The following KLHL38 variants were observed in gnomAD, a reference collection of about 807,000 sequenced individuals.
KLHL38 encodes kelch-like protein 38.
Under a neutral mutation model 39.6 loss-of-function variants are expected in KLHL38, and 38 were observed. The observed-to-expected ratio is 0.96, with a 90% CI of 0.74 to 1.26. The LOEUF (loss-of-function observed/expected upper bound fraction) is 1.26. Among genes scored for constraint, KLHL38 ranks in the 50% most tolerant of loss-of-function variants. KLHL38 has a pLI of 0.00. For missense variants in KLHL38, 803 were observed against 748.1 expected (o/e 1.07, Z -0.86); for synonymous variants, 322 against 302.2 (o/e 1.07, Z -0.68).
intron 2 of KLHL38, among the ~76,000 whole-genome samples, chr8:123,651,287 G>T (rs1003568810): frequency 3.9e-5 from 6 of 152,004 alleles, no homozygotes; most frequent in Non-Finnish European, 8.8e-5. Context: ...ATGTGTGTAT[G>T]CATGCATGAA....
chr8:123,644,494 A>T lies in KLHL38; in HGVS notation c.*1245T>A, dbSNP rs1349059691. On this transcript the variant is annotated 3_prime_UTR_variant, in exon 4 of 4. Coordinates refer to ENST00000684634, the MANE Select transcript of KLHL38 (RefSeq NM_001081675.3). ...GGCAATGCAGGATAATTTTACAAAC[A>T]TTAGATACTGAATTGTGCATATATC... 6.6e-6 allele frequency among the ~76,000 whole-genome samples: 1 copy of T among 152,218 alleles called. No homozygotes were observed. The highest frequency in any genetic ancestry group is 2.4e-5 in the African/African-American group (1 of 41,454).
At chr8:123,648,989 A>C (rs1298261033) in intron 2 of KLHL38, among the ~76,000 whole-genome samples, 1 of 152,198 alleles carries the variant, frequency 6.6e-6, no homozygotes, top group Non-Finnish European at 1.5e-5. Context: ...AAAGCATCCA[A>C]ATGAATACTT....
chr8:123,646,817 T>C (rs1818671433), intron 3 of KLHL38, 92 bp downstream of exon 3: 1 of 786,184 alleles, frequency 1.3e-6, no homozygotes, highest in African/African-American at 1.7e-5. Flanking sequence ...GAAAAGACAG[T>C]CTTGTAGAAT....
Position 123,645,027 on chromosome 8 carries a change from G to GAGA in KLHL38, c.*711_*712insTCT, listed in dbSNP as rs369340259. Among the ~76,000 whole-genome samples, 40 of 88,768 alleles carry GAGA rather than the reference G, an allele frequency of 4.5e-4. No individual in the cohort carries two copies. The highest frequency in any genetic ancestry group is 7.1e-4 in the Non-Finnish European group (33 of 46,366). The allele number at this position is 88,768 out of a possible 152,430, so 58.2% of individuals were successfully genotyped here. On this transcript the variant is annotated 3_prime_UTR_variant, in exon 4 of 4. Coordinates refer to ENST00000684634, the MANE Select transcript of KLHL38 (RefSeq NM_001081675.3). ...TAGGGATGAGAGAGAGGAAGACAGA[G>GAGA]GGGAGACTGAGAGAGAGAGAGAGAG...
In KLHL38 at chr8:123,646,940, C is replaced by T. The variant is rs774595422; in HGVS notation, c.1425G>A (p.Val475=). The change falls in exon 3 of 4, where the codon GTG becomes GTA. Residue 475 remains valine, a synonymous_variant. Coordinates refer to ENST00000684634, the MANE Select transcript of KLHL38 (RefSeq NM_001081675.3). The part of the protein sequence containing the change: ...RMIKNVCAPA[V]VLGERIVIVG... ...CAATGACAATCCGCTCCCCAAGCAC[C>T]ACTGCAGGGGCACACACGTTCTTGA... is the stretch of plus-strand genomic sequence containing the variant. 4.0e-5 allele frequency: 65 copies of T among 1,613,432 alleles called. No homozygotes were observed. Among genetic ancestry groups the T allele is most frequent in the Non-Finnish European group, 5.3e-5 (63 of 1,179,742 alleles).
Position 123,652,362 on chromosome 8 carries a change from G to A in KLHL38, c.565C>T (p.Leu189Phe). 6.2e-7 allele frequency: 1 copy of A among 1,613,898 alleles called. No individual in the cohort carries two copies. The highest frequency in any genetic ancestry group is 8.5e-7 in the Non-Finnish European group (1 of 1,180,032). The change falls in exon 2 of 4, where the codon CTC becomes TTC. Residue 189 changes from leucine to phenylalanine, a missense_variant. By Grantham distance (22) the Leu-to-Phe change is conservative. Transcript: ENST00000684634. ...AACACCTTTTCCTCCTCCCCACAGA[G>A]CCCATCATCTCCGAGATAGTCCCTC... ...ELRDYLGDDG[L>F]CGEEEKVFEA...
rs1282043589 is a variant in KLHL38 at position 123,652,911 on chromosome 8, G to A, written c.16C>T (p.Leu6=). Residue 6 remains leucine, a synonymous_variant, in exon 2 of 4, where the codon CTA becomes TTA. Coordinates refer to ENST00000684634, the MANE Select transcript of KLHL38 (RefSeq NM_001081675.3). The part of the protein sequence containing the change: MDEES[L]DGLLFKDHDF... ...TGGTCTTTGAAGAGCAGCCCATCTAGTGACTCCTCGTCCATCCTACAAAGA... is the reference window on the plus strand; with the variant it reads ...TGGTCTTTGAAGAGCAGCCCATCTAATGACTCCTCGTCCATCCTACAAAGA... The A allele has an allele frequency of 6.3e-7, 1 of 1,596,280 alleles. No individual in the cohort carries two copies. Among genetic ancestry groups the A allele is most frequent in the Non-Finnish European group, 8.5e-7 (1 of 1,177,568 alleles).
At chr8:123,653,371 T>C (rs983144547) in intron 1 of KLHL38, among the ~76,000 whole-genome samples, 1 of 152,208 alleles carries the variant, frequency 6.6e-6, no homozygotes, top group African/African-American at 2.4e-5. Flanking sequence ...GTGTCAATCA[T>C]TCCCCAAGGA....
Position 123,645,677 on chromosome 8 carries a change from C to T in KLHL38, c.*62G>A. Reference sequence around the variant, plus strand: ...CCTTTAAGGGTTAAGCCCTTTGGAGCTGGGTTTGTGTCCCTGGCGACAGAA... The same window carrying T: ...CCTTTAAGGGTTAAGCCCTTTGGAGTTGGGTTTGTGTCCCTGGCGACAGAA... On this transcript the variant is annotated 3_prime_UTR_variant, in exon 4 of 4. Coordinates refer to ENST00000684634, the MANE Select transcript of KLHL38 (RefSeq NM_001081675.3). 8.9e-6 allele frequency: 14 copies of T among 1,572,432 alleles called. 1 individual carries two copies. The South Asian group carries it at 1.5e-4, about 17-fold the overall frequency.
In KLHL38 at chr8:123,645,179, C is replaced by T. The variant is rs1223874526; in HGVS notation, c.*560G>A. 6.6e-6 allele frequency among the ~76,000 whole-genome samples: 1 copy of T among 152,022 alleles called. No homozygotes were observed. Among genetic ancestry groups the T allele is most frequent in the African/African-American group, 2.4e-5 (1 of 41,398 alleles). Reference sequence around the variant, plus strand: ...ACAGGCCAGGCGTGGTGGCTCACGCCTGTAATCTCAGCATTTGGGAGGCTG... The same window carrying T: ...ACAGGCCAGGCGTGGTGGCTCACGCTTGTAATCTCAGCATTTGGGAGGCTG... On this transcript the variant is annotated 3_prime_UTR_variant, in exon 4 of 4. Coordinates refer to ENST00000684634, the MANE Select transcript of KLHL38 (RefSeq NM_001081675.3).
At position 123,652,854 on chromosome 8, in the gene KLHL38, T is replaced by C. The variant is rs1812680722; in HGVS notation, c.73A>G (p.Asn25Asp). The C allele has an allele frequency of 6.2e-7, 1 of 1,608,778 alleles. No individual in the cohort carries two copies. Among genetic ancestry groups the C allele is most frequent in the East Asian group, 2.2e-5 (1 of 44,878 alleles). Residue 25 changes from asparagine (N) to aspartate (D), a missense_variant, in exon 2 of 4, where the codon AAC becomes GAC. Physicochemically the swap from Asn to Asp is conservative, Grantham distance 23. Transcript: ENST00000684634. ...AGGATCCTGCTTTGCCTTAAGCTGT[T>C]GAGCTGCCTCAACAAGTCAGAAGAG... ...DFSSDLLRQLNSLRQSRILTD... is the reference protein window; with the variant it reads ...DFSSDLLRQLDSLRQSRILTD...
chr8:123,650,614 C>T (rs867850684), intron 2 of KLHL38, among the ~76,000 whole-genome samples: 2 of 152,080 alleles, frequency 1.3e-5, no homozygotes, highest in African/African-American at 2.4e-5. Flanking sequence ...TCAATATTCA[C>T]GTTCTGCAGA....
rs141892581 is a variant in KLHL38 at position 123,645,035 on chromosome 8, T to TGAGATAGA, written c.*703_*704insTCTATCTC. 7.0e-6 allele frequency among the ~76,000 whole-genome samples: 1 copy of TGAGATAGA among 143,454 alleles called. No homozygotes were observed. The highest frequency in any genetic ancestry group is 6.9e-5 in the Admixed American group (1 of 14,462). The allele number at this position is 143,454 out of a possible 152,430, so 94.1% of individuals were successfully genotyped here. A position where few individuals can be genotyped will look rare whatever the true frequency, so the allele number is the denominator to read the frequency against. On this transcript the variant is annotated 3_prime_UTR_variant, in exon 4 of 4. Coordinates refer to ENST00000684634, the MANE Select transcript of KLHL38 (RefSeq NM_001081675.3). The stretch of plus-strand genomic sequence containing the variant: ...AGAGAGAGGAAGACAGAGGGGAGAC[T>TGAGATAGA]GAGAGAGAGAGAGAGAGAGAGGGGC...
chr8:123,647,740 G>T (rs1452514901), intron 2 of KLHL38, among the ~76,000 whole-genome samples: 1 of 152,212 alleles, frequency 6.6e-6, no homozygotes, highest in Non-Finnish European at 1.5e-5. Context: ...TATCTACAGA[G>T]GAAAATGGCA....
intron 2 of KLHL38, 135 bp downstream of exon 2, chr8:123,651,442 G>A: frequency 3.4e-6 from 3 of 895,262 alleles, no homozygotes; most frequent in South Asian, 1.7e-5. Context: ...GTATATGTGT[G>A]CATATATATA....
At chr8:123,651,466 A>G (rs1812642119) in intron 2 of KLHL38, 111 bp downstream of exon 2, 2 of 1,088,570 alleles carry the variant, frequency 1.8e-6, no homozygotes, top group Non-Finnish European at 2.6e-6. Context: ...ATGTGCATAT[A>G]TGTGTTTTTT....
rs374414250 is a variant in KLHL38, at chr8:123,645,449, A to AAGAGAGAGAGAGAGAGAGAGAG, written c.*268_*289dup. ...GAAACTCCATCTCAAAAAAAAGAAA[A>AAGAGAGAGAGAGAGAGAGAGAG]AGAGAGAGAGAGAGAGAGAGAGAGA... is the stretch of plus-strand genomic sequence containing the variant. On this transcript the variant is annotated 3_prime_UTR_variant, in exon 4 of 4. Transcript: ENST00000684634. The AAGAGAGAGAGAGAGAGAGAGAG allele has an allele frequency of 3.4e-5, 11 of 325,266 alleles. No homozygotes were observed. The highest frequency in any genetic ancestry group is 1.2e-4 in the African/African-American group (5 of 40,098). 20.1% of individuals were successfully genotyped at this position (325,266 alleles called of 1,614,324 possible).
In KLHL38 at chr8:123,651,611, T is replaced by C; in HGVS notation, c.1316A>G (p.Glu439Gly). The change falls in exon 2 of 4, where the codon GAG becomes GGG. Residue 439 changes from glutamate (E) to glycine (G), a missense_variant. Glu to Gly is a moderately conservative substitution (Grantham distance 98). Coordinates refer to ENST00000684634, the MANE Select transcript of KLHL38 (RefSeq NM_001081675.3). Reference sequence around the variant, plus strand: ...GCGCACAGGGTTCTGCATGATGTCCTCTCCTCCAAAGAGATAGAGTCTTTG... The same window carrying C: ...GCGCACAGGGTTCTGCATGATGTCCCCTCCTCCAAAGAGATAGAGTCTTTG... ...KDQRLYLFGG[E>G]DIMQNPVRLI... is the part of the protein sequence containing the mutation. 1 of 1,603,282 alleles carries C rather than the reference T, an allele frequency of 6.2e-7. No individual in the cohort carries two copies.
rs1197519461 is a variant in KLHL38, at chr8:123,649,095, TA to T, written c.1351-2082del. Among the ~76,000 whole-genome samples the T allele has an allele frequency of 2.6e-5, 4 of 152,390 alleles. No homozygotes were observed. In the South Asian group the frequency reaches 6.2e-4, roughly 24 times the overall value. ...GGCAACATCTTGTTTGATGGTACTA[TA>T]CATTTCTTGATATGCTAGCTTGAAG... On this transcript the variant is annotated intron_variant, in intron 2 of 3. Transcript: ENST00000684634.
Sources: gnomAD v4.1 joint callset for allele counts (sites outside exome capture counted in the v4.1 genomes callset) on GRCh38, gnomAD v4.1.1 for gene constraint, MANE v1.5 for transcripts, NCBI Gene and HGNC (gene_info 2026-07-23, HGNC 2026-07-21) for gene names.